Variants in UBTD1 observed in about 807,000 individuals in gnomAD.
UBTD1 encodes ubiquitin domain containing 1, also known as ubiquitin domain-containing protein 1.
In UBTD1, 19 loss-of-function variants were observed where a neutral mutation model predicts 21.7. That is an observed-to-expected ratio of 0.87 (90% CI 0.61 to 1.28). The LOEUF (loss-of-function observed/expected upper bound fraction) is 1.28. Ranked by LOEUF, UBTD1 falls within the 50% of genes most tolerant of loss-of-function variation. The probability of loss-of-function intolerance (pLI) is 0.00; values close to 1 mark genes in which losing one functional copy is unlikely to be tolerated. For synonymous variants in UBTD1, 116 were observed against 135.1 expected (o/e 0.86, Z 0.98); for missense variants, 282 against 315.1 (o/e 0.89, Z 0.80).
chr10:97,529,982 G>A lies in UBTD1; in HGVS notation c.70+30709G>A, dbSNP rs111277287. On this transcript the variant is annotated intron_variant, in intron 1 of 2. Transcript: ENST00000370664. ...TCCAGCTTGTTCTTTGGTACTTGGAGCAAACTTTAAGACCTTCCGCAGAGG... is the reference window on the plus strand; with the variant it reads ...TCCAGCTTGTTCTTTGGTACTTGGAACAAACTTTAAGACCTTCCGCAGAGG... Among the ~76,000 whole-genome samples the A allele has an allele frequency of 3.9e-5, 6 of 152,244 alleles. No homozygotes were observed. The East Asian group carries it at 5.8e-4, about 15-fold the overall frequency.
At chr10:97,567,852 G>T in intron 1 of UBTD1, 62 bp from the exon 2 acceptor site, 1 of 1,531,582 alleles carries the variant, frequency 6.5e-7, no homozygotes, top group East Asian at 2.4e-5. Context: ...AGGGGAGGGG[G>T]AGGGCAGGTT....
intron 1 of UBTD1, among the ~76,000 whole-genome samples, chr10:97,537,008 G>C (rs991675984): frequency 6.6e-6 from 1 of 152,100 alleles, no homozygotes; most frequent in Non-Finnish European, 1.5e-5. Context: ...TGGAGTAGAC[G>C]TGCATTCGGA....
chr10:97,512,384 A>T (rs2040426550), intron 1 of UBTD1, among the ~76,000 whole-genome samples: 1 of 152,154 alleles, frequency 6.6e-6, no homozygotes, highest in South Asian at 2.1e-4. Flanking sequence ...AGATCCACAG[A>T]GCCAAGAGCT....
At chr10:97,563,325 A>G (rs2040701902) in intron 1 of UBTD1, among the ~76,000 whole-genome samples, 1 of 152,200 alleles carries the variant, frequency 6.6e-6, no homozygotes, top group African/African-American at 2.4e-5. Context: ...ATTTGGGTAA[A>G]AACACTCTTC....
At chr10:97,552,221 TA>T (rs1010002073) in intron 1 of UBTD1, among the ~76,000 whole-genome samples, 25 of 150,890 alleles carry the variant, frequency 1.7e-4, no homozygotes, top group African/African-American at 6.2e-4. Flanking sequence ...AAATTTTTTT[TA>T]AATTATCCAG....
At chr10:97,562,305 C>T (rs1028802353) in intron 1 of UBTD1, among the ~76,000 whole-genome samples, 2 of 152,126 alleles carry the variant, frequency 1.3e-5, no homozygotes, top group Non-Finnish European at 2.9e-5. Context: ...CGGTGTCACG[C>T]GCATCCATGT....
intron 1 of UBTD1, among the ~76,000 whole-genome samples, chr10:97,524,285 G>GT (rs776310814): frequency 8.6e-5 from 12 of 139,598 alleles, no homozygotes; most frequent in African/African-American, 3.8e-4. Flanking sequence ...TTGTAGGGAT[G>GT]CGGGGGGGTC....
rs577055387 is a variant in UBTD1 at position 97,568,220 on chromosome 10, G to A, written c.298+79G>A. ...ACAGTTTGAGGGTGTTGAGGAGTGTGGAGCGGTGGGGCAGGTGGTTACTCA... is the reference window on the plus strand; with the variant it reads ...ACAGTTTGAGGGTGTTGAGGAGTGTAGAGCGGTGGGGCAGGTGGTTACTCA... On this transcript the variant is annotated intron_variant, in intron 2 of 2. Coordinates refer to ENST00000370664, the MANE Select transcript of UBTD1 (RefSeq NM_024954.5). 2.7e-3 allele frequency: 4,022 copies of A among 1,474,096 alleles called. 8 individuals are homozygous for A. The highest frequency in any genetic ancestry group is 3.5e-3 in the Non-Finnish European group (3,731 of 1,065,792). The allele number at this position is 1,474,096 out of a possible 1,614,324, so 91.3% of individuals were successfully genotyped here. A position where few individuals can be genotyped will look rare whatever the true frequency, so the allele number is the denominator to read the frequency against.
At chr10:97,539,188 G>C (rs1468266006) in intron 1 of UBTD1, among the ~76,000 whole-genome samples, 4 of 151,390 alleles carry the variant, frequency 2.6e-5, no homozygotes, top group Admixed American at 2.0e-4. Context: ...TGGAGCCTGG[G>C]GTTTCTGGAG....
chr10:97,549,895 T>C (rs2040628336), intron 1 of UBTD1, among the ~76,000 whole-genome samples: 1 of 152,210 alleles, frequency 6.6e-6, no homozygotes, highest in African/African-American at 2.4e-5. Context: ...CTGAAGGGAT[T>C]ACCTGGGCAC....
intron 1 of UBTD1, among the ~76,000 whole-genome samples, chr10:97,519,456 C>T (rs2040457925): frequency 1.3e-5 from 2 of 152,082 alleles, no homozygotes; most frequent in Admixed American, 6.6e-5. Flanking sequence ...CTTGAAATGC[C>T]CCAAGATGCC....
chr10:97,537,007 C>T (rs747187601), intron 1 of UBTD1, among the ~76,000 whole-genome samples: 4 of 152,046 alleles, frequency 2.6e-5, no homozygotes, highest in Non-Finnish European at 5.9e-5. Context: ...TTGGAGTAGA[C>T]GTGCATTCGG....
At chr10:97,565,760 G>A (rs1484912998) in intron 1 of UBTD1, among the ~76,000 whole-genome samples, 5 of 151,852 alleles carry the variant, frequency 3.3e-5, no homozygotes, top group African/African-American at 1.2e-4. Context: ...GGCTGGATTT[G>A]GAGTGCAGTG....
chr10:97,531,298 C>T (rs1170522194), intron 1 of UBTD1, among the ~76,000 whole-genome samples: 1 of 151,902 alleles, frequency 6.6e-6, no homozygotes, highest in Non-Finnish European at 1.5e-5. Flanking sequence ...GCAACCTCCA[C>T]CTCTTGGGCT....
intron 1 of UBTD1, among the ~76,000 whole-genome samples, chr10:97,554,876 C>T (rs906711627): frequency 6.6e-6 from 1 of 152,124 alleles, no homozygotes; most frequent in Non-Finnish European, 1.5e-5. Flanking sequence ...TTTTAAATGT[C>T]ACAAAGCCTG....
intron 1 of UBTD1, among the ~76,000 whole-genome samples, chr10:97,529,215 G>A (rs1375562064): frequency 2.0e-5 from 3 of 151,778 alleles, no homozygotes; most frequent in East Asian, 2.0e-4. Flanking sequence ...TGGCGGCCGG[G>A]AAGAGGCGCT....
intron 1 of UBTD1, among the ~76,000 whole-genome samples, chr10:97,531,408 G>A (rs909385020): frequency 2.6e-5 from 4 of 151,602 alleles, no homozygotes; most frequent in Non-Finnish European, 4.4e-5. Flanking sequence ...TGAGGTTTCC[G>A]CCCAGCTAAT....
At chr10:97,556,075 A>G (rs2040662532) in intron 1 of UBTD1, among the ~76,000 whole-genome samples, 1 of 152,162 alleles carries the variant, frequency 6.6e-6, no homozygotes, top group Admixed American at 6.5e-5. Flanking sequence ...TTGGTGAACT[A>G]AGGTAGTGAC....
intron 1 of UBTD1, among the ~76,000 whole-genome samples, chr10:97,566,934 G>T (rs1440803129): frequency 6.6e-6 from 1 of 152,138 alleles, no homozygotes; most frequent in African/African-American, 2.4e-5. Flanking sequence ...CTTGGAGCTG[G>T]GTAACAAGAA....
Sources: gnomAD v4.1 joint callset for allele counts (sites outside exome capture counted in the v4.1 genomes callset) on GRCh38, gnomAD v4.1.1 for gene constraint, MANE v1.5 for transcripts, NCBI Gene and HGNC (gene_info 2026-07-23, HGNC 2026-07-21) for gene names.